The following WWOX variants were observed in gnomAD, a reference collection of about 807,000 sequenced individuals.
WWOX encodes the protein WW domain containing oxidoreductase, also known as WW domain-containing oxidoreductase.
In WWOX, 69 loss-of-function variants were observed where a neutral mutation model predicts 46.2. The observed-to-expected ratio is 1.49, with a 90% confidence interval of 1.23 to 1.82. The LOEUF (loss-of-function observed/expected upper bound fraction) is 1.82. Ranked by LOEUF, WWOX falls within the 40% of genes most tolerant of loss-of-function variation. WWOX has a pLI of 0.00. For synonymous variants in WWOX, 359 were observed against 202.6 expected, an observed-to-expected ratio of 1.77 and a Z score of -6.56; for missense variants, 919 against 542.6, an observed-to-expected ratio of 1.69 and a Z score of -6.89.
chr16:78,963,072 A>T (rs147073309), intron 8 of WWOX, among the ~76,000 whole-genome samples: 4 of 152,118 alleles, frequency 2.6e-5, no homozygotes, highest in Admixed American at 2.6e-4. Flanking sequence ...AAGTACTCTG[A>T]TATGCACCAC....
intron 6 of WWOX, among the ~76,000 whole-genome samples, chr16:78,415,249 G>A (rs1046219381): frequency 6.6e-6 from 1 of 152,060 alleles, no homozygotes; most frequent in Admixed American, 6.5e-5. Context: ...GCCATGGCAT[G>A]TGTACACTGT....
At chr16:78,824,465 G>C (rs903083931) in intron 8 of WWOX, among the ~76,000 whole-genome samples, 1 of 152,122 alleles carries the variant, frequency 6.6e-6, no homozygotes, top group Non-Finnish European at 1.5e-5. Flanking sequence ...CTAGGTGCTG[G>C]GGAGAAACAA....
At chr16:78,747,176 G>C (rs528829414) in intron 8 of WWOX, among the ~76,000 whole-genome samples, 5 of 149,762 alleles carry the variant, frequency 3.3e-5, no homozygotes, top group Non-Finnish European at 5.9e-5. Context: ...GTGGTGGGGG[G>C]CACTTTCTTG....
chr16:78,834,729 G>T (rs2051929284), intron 8 of WWOX, among the ~76,000 whole-genome samples: 1 of 152,250 alleles, frequency 6.6e-6, no homozygotes, highest in African/African-American at 2.4e-5. Flanking sequence ...CAGGTACAAA[G>T]GGGATACAGA....
chr16:78,746,405 G>A (rs1254875926), intron 8 of WWOX, among the ~76,000 whole-genome samples: 2 of 152,166 alleles, frequency 1.3e-5, no homozygotes, highest in African/African-American at 4.8e-5. Flanking sequence ...GGCTGAGGCA[G>A]GAGGATCAAC....
At chr16:78,989,706 G>A (rs750703733) in intron 8 of WWOX, among the ~76,000 whole-genome samples, 10 of 150,552 alleles carry the variant, frequency 6.6e-5, no homozygotes, top group East Asian at 2.0e-4. Flanking sequence ...GCCAGAAGCA[G>A]AGCAGGAGAG....
At chr16:78,659,734 G>T (rs1032664217) in intron 8 of WWOX, among the ~76,000 whole-genome samples, 1 of 152,060 alleles carries the variant, frequency 6.6e-6, no homozygotes, top group African/African-American at 2.4e-5. Flanking sequence ...AAATGACAAT[G>T]TTCATATATT....
intron 8 of WWOX, among the ~76,000 whole-genome samples, chr16:78,463,078 G>A (rs1015354315): frequency 2.0e-5 from 3 of 152,182 alleles, no homozygotes; most frequent in African/African-American, 7.2e-5. Flanking sequence ...GGCAGGGGCA[G>A]GTCTTTGTTT....
At chr16:78,481,080 A>G (rs1257956465) in intron 8 of WWOX, among the ~76,000 whole-genome samples, 1 of 152,222 alleles carries the variant, frequency 6.6e-6, no homozygotes, top group East Asian at 1.9e-4. Flanking sequence ...CTAAATTAGC[A>G]AAGAGAAATT....
intron 8 of WWOX, among the ~76,000 whole-genome samples, chr16:78,994,963 C>T (rs1432542019): frequency 5.1e-5 from 5 of 98,778 alleles, no homozygotes; most frequent in African/African-American, 7.4e-5. Flanking sequence ...TCTTCTTCTT[C>T]TTCTTCTTTT....
At chr16:78,652,693 T>G (rs2046993737) in intron 8 of WWOX, among the ~76,000 whole-genome samples, 1 of 152,136 alleles carries the variant, frequency 6.6e-6, no homozygotes, top group Non-Finnish European at 1.5e-5. Flanking sequence ...TTGGGGGCTG[T>G]GGAAAAGATG....
intron 8 of WWOX, among the ~76,000 whole-genome samples, chr16:78,605,046 C>T: frequency 7.2e-6 from 1 of 139,412 alleles, no homozygotes; most frequent in Non-Finnish European, 1.5e-5. Flanking sequence ...TCTTTTCTTT[C>T]CTTTTTAAAT....
At chr16:78,812,164 A>G (rs80249136) in intron 8 of WWOX, among the ~76,000 whole-genome samples, 250 of 152,216 alleles carry the variant, frequency 1.6e-3, no homozygotes, top group African/African-American at 5.8e-3. Context: ...ATGCATAGGA[A>G]CTAGGTGTCC....
chr16:78,410,517 T>C (rs2082654768), intron 6 of WWOX, among the ~76,000 whole-genome samples: 1 of 152,062 alleles, frequency 6.6e-6, no homozygotes. Flanking sequence ...GCAATCAAGA[T>C]GTCAGCTGGG....
At chr16:79,208,879 C>A (rs2051614286) in intron 8 of WWOX, among the ~76,000 whole-genome samples, 3 of 152,116 alleles carry the variant, frequency 2.0e-5, no homozygotes, top group Admixed American at 2.0e-4. Flanking sequence ...GTGTATGGGA[C>A]CAACAAGATA....
At chr16:78,764,296 G>A (rs2049873000) in intron 8 of WWOX, among the ~76,000 whole-genome samples, 1 of 151,786 alleles carries the variant, frequency 6.6e-6, no homozygotes, top group African/African-American at 2.4e-5. Context: ...ACCCAGTCCA[G>A]TGAGTATGGC....
chr16:78,232,398 T>A (rs1175556098), intron 5 of WWOX, among the ~76,000 whole-genome samples: 1 of 152,190 alleles, frequency 6.6e-6, no homozygotes, highest in Middle Eastern at 3.2e-3. Flanking sequence ...CTTTCTTGCT[T>A]GCAACTTGTC....
intron 8 of WWOX, among the ~76,000 whole-genome samples, chr16:78,808,286 G>C (rs7499973): frequency 0.78 from 118,167 of 152,098 alleles, 46,150 homozygotes; most frequent in Middle Eastern, 0.87. Flanking sequence ...CTATGGATCC[G>C]TTTGCAACCC....
chr16:78,994,967 TTC>T (rs1491136585), intron 8 of WWOX, among the ~76,000 whole-genome samples: 38 of 50,120 alleles, frequency 7.6e-4, no homozygotes, highest in Admixed American at 1.4e-3. Flanking sequence ...CTTCTTCTTC[TTC>T]TTTTTTTTTT....
Sources: gnomAD v4.1 joint callset for allele counts (sites outside exome capture counted in the v4.1 genomes callset) on GRCh38, gnomAD v4.1.1 for gene constraint, MANE v1.5 for transcripts, NCBI Gene and HGNC (gene_info 2026-07-23, HGNC 2026-07-21) for gene names.